The following LRMDA variants were observed in gnomAD, a reference collection of about 807,000 sequenced individuals.
LRMDA encodes the protein leucine-rich melanocyte differentiation-associated protein.
LRMDA carries 18 observed loss-of-function variants against 29.8 expected under a neutral mutation model. The ratio of observed to expected loss-of-function variants is 0.60; its 90% CI spans 0.42 to 0.90. The LOEUF is 0.90. LRMDA is among the 40% of genes least tolerant of loss of function. LRMDA has a pLI of 0.00. For synonymous variants in LRMDA, 125 were observed against 109.4 expected, an observed-to-expected ratio of 1.14 and a Z score of -0.89; for missense variants, 273 against 273.9, an observed-to-expected ratio of 1.00 and a Z score of 0.02.
intron 2 of LRMDA, among the ~76,000 whole-genome samples, chr10:76,008,668 A>T (rs1847719823): frequency 6.6e-6 from 1 of 152,244 alleles, no homozygotes; most frequent in African/African-American, 2.4e-5. Context: ...TGCTGGACAA[A>T]CTGGCTGGCA....
intron 5 of LRMDA, among the ~76,000 whole-genome samples, chr10:76,299,186 T>TGTGTGTGTGTGC (rs1554863821): frequency 2.6e-5 from 4 of 151,122 alleles, no homozygotes; most frequent in African/African-American, 7.3e-5. Flanking sequence ...TGTGTGTGTG[T>TGTGTGTGTGTGC]GTGCATGCAC....
chr10:75,639,237 C>T (rs1001321316), intron 2 of LRMDA, among the ~76,000 whole-genome samples: 2 of 152,122 alleles, frequency 1.3e-5, no homozygotes, highest in African/African-American at 4.8e-5. Flanking sequence ...ATCAGTCACC[C>T]AAACAAGGCA....
At chr10:75,986,834 C>A (rs1214014838) in intron 2 of LRMDA, among the ~76,000 whole-genome samples, 2 of 152,266 alleles carry the variant, frequency 1.3e-5, no homozygotes, top group Admixed American at 6.5e-5. Flanking sequence ...TCCTCAAGAA[C>A]TAGTCACAGT....
chr10:76,273,310 G>A (rs1023157702), intron 5 of LRMDA, among the ~76,000 whole-genome samples: 1 of 151,962 alleles, frequency 6.6e-6, no homozygotes, highest in African/African-American at 2.4e-5. Flanking sequence ...GTTGAATTTT[G>A]TGTAAATATT....
At chr10:75,475,278 C>T (rs1844775880) in intron 2 of LRMDA, among the ~76,000 whole-genome samples, 1 of 152,144 alleles carries the variant, frequency 6.6e-6, no homozygotes, top group Non-Finnish European at 1.5e-5. Flanking sequence ...TCCTGTGAGG[C>T]CTCTTGGGAG....
intron 6 of LRMDA, among the ~76,000 whole-genome samples, chr10:76,427,535 G>C (rs1240218408): frequency 2.0e-5 from 3 of 152,106 alleles, no homozygotes; most frequent in Non-Finnish European, 4.4e-5. Context: ...GATATACAAT[G>C]ATGTCATCTG....
chr10:75,464,467 A>C (rs1298794456), intron 2 of LRMDA, among the ~76,000 whole-genome samples: 1 of 152,224 alleles, frequency 6.6e-6, no homozygotes. Flanking sequence ...GCATATACCA[A>C]ATCTAGAGGA....
chr10:76,219,204 A>C (rs1232688364), intron 5 of LRMDA, among the ~76,000 whole-genome samples: 1 of 152,238 alleles, frequency 6.6e-6, no homozygotes, highest in Non-Finnish European at 1.5e-5. Context: ...AAACTGCATC[A>C]ACTAACGAGC....
At chr10:76,494,751 T>A (rs554181637) in intron 6 of LRMDA, among the ~76,000 whole-genome samples, 3 of 152,040 alleles carry the variant, frequency 2.0e-5, no homozygotes, top group African/African-American at 7.2e-5. Flanking sequence ...TGGTAAAAAT[T>A]TTGCTCTGAG....
chr10:76,284,987 A>G (rs921796112), intron 5 of LRMDA, among the ~76,000 whole-genome samples: 3 of 152,086 alleles, frequency 2.0e-5, no homozygotes, highest in Middle Eastern at 3.2e-3. Context: ...AGTCTCAAGT[A>G]TGTCTTTGTT....
rs535047022 is a variant in LRMDA, at chr10:75,744,713, C to T, written c.132-291295C>T. 1.4e-4 allele frequency among the ~76,000 whole-genome samples: 21 copies of T among 152,276 alleles called. No homozygotes were observed. The South Asian group carries it at 4.3e-3, about 32-fold the overall frequency. On this transcript the variant is annotated intron_variant, in intron 2 of 6. Coordinates refer to ENST00000611255, the MANE Select transcript of LRMDA (RefSeq NM_001305581.2). Reference sequence around the variant, plus strand: ...GCCAATTTGTAGTTCGGTCGTCTTTCTGTTATGCTAGATGTTCACCTGGGA... The same window carrying T: ...GCCAATTTGTAGTTCGGTCGTCTTTTTGTTATGCTAGATGTTCACCTGGGA...
chr10:76,255,317 G>A (rs781619954), intron 5 of LRMDA, among the ~76,000 whole-genome samples: 4 of 152,112 alleles, frequency 2.6e-5, no homozygotes, highest in East Asian at 1.9e-4. Context: ...GCAATCTTCC[G>A]CTGTCCTTAA....
At chr10:75,988,159 T>G (rs971781419) in intron 2 of LRMDA, among the ~76,000 whole-genome samples, 2 of 152,286 alleles carry the variant, frequency 1.3e-5, no homozygotes. Context: ...AAAATATGGT[T>G]GCTCCCCGCT....
At chr10:76,056,654 C>T (rs933321159) in intron 4 of LRMDA, among the ~76,000 whole-genome samples, 1 of 152,234 alleles carries the variant, frequency 6.6e-6, no homozygotes, top group African/African-American at 2.4e-5. Context: ...ACACACTCAG[C>T]CAGATTGTGA....
chr10:75,497,620 C>CG (rs1845063008), intron 2 of LRMDA, among the ~76,000 whole-genome samples: 1 of 151,892 alleles, frequency 6.6e-6, no homozygotes, highest in Non-Finnish European at 1.5e-5. Flanking sequence ...CTGCTCCCTC[C>CG]CCTCCATAGG....
chr10:76,299,203 G>A (rs550960967), intron 5 of LRMDA, among the ~76,000 whole-genome samples: 2 of 149,310 alleles, frequency 1.3e-5, no homozygotes, highest in East Asian at 1.9e-4. Context: ...GCACGCACGC[G>A]CAATATGTTT....
intron 2 of LRMDA, among the ~76,000 whole-genome samples, chr10:75,997,164 C>T (rs1293419689): frequency 2.0e-5 from 3 of 152,118 alleles, no homozygotes; most frequent in Non-Finnish European, 4.4e-5. Flanking sequence ...CCAGAAATAA[C>T]CACTTAAAAC....
At chr10:75,835,232 T>G (rs1844413017) in intron 2 of LRMDA, among the ~76,000 whole-genome samples, 1 of 152,186 alleles carries the variant, frequency 6.6e-6, no homozygotes, top group Admixed American at 6.5e-5. Flanking sequence ...AAAATCTGTT[T>G]CCTGTGCATT....
chr10:75,555,921 A>G (rs1302672471), intron 2 of LRMDA, among the ~76,000 whole-genome samples: 2 of 152,170 alleles, frequency 1.3e-5, no homozygotes, highest in Non-Finnish European at 2.9e-5. Flanking sequence ...AATATCAAAC[A>G]AAAAAATTCA....
Sources: allele counts gnomAD v4.1 joint callset (sites outside exome capture counted in the v4.1 genomes callset), GRCh38; gene constraint gnomAD v4.1.1; transcripts MANE v1.5; gene names NCBI Gene and HGNC (gene_info 2026-07-23, HGNC 2026-07-21).